SOX30: variants seen among roughly 807,000 people sequenced by gnomAD.
SOX30 encodes the protein SRY-box transcription factor 30.
SOX30 carries 17 observed loss-of-function variants against 58.6 expected under a neutral mutation model. The ratio of observed to expected loss-of-function variants is 0.29; its 90% confidence interval spans 0.20 to 0.44. The LOEUF (loss-of-function observed/expected upper bound fraction) is 0.44. SOX30 is among the 20% of genes least tolerant of loss of function. The pLI is 1.00. For synonymous variants in SOX30, 421 were observed against 400.2 expected (o/e 1.05, Z -0.62); for missense variants, 951 against 965.8 (o/e 0.98, Z 0.20).
At chr5:157,661,199 T>C (rs1023818349) in intron 2 of SOX30, among the ~76,000 whole-genome samples, 4 of 152,230 alleles carry the variant, frequency 2.6e-5, no homozygotes, top group African/African-American at 9.6e-5. Context: ...GTACATCCTT[T>C]TGCCTTGCAC....
At chr5:157,630,363 C>T (rs1161432333) in intron 4 of SOX30, among the ~76,000 whole-genome samples, 1 of 152,036 alleles carries the variant, frequency 6.6e-6, no homozygotes, top group East Asian at 1.9e-4. Context: ...CTTTGCATGT[C>T]TTGTAACTTT....
chr5:157,637,405 T>C (rs894790617), intron 4 of SOX30, among the ~76,000 whole-genome samples: 1 of 152,166 alleles, frequency 6.6e-6, no homozygotes, highest in Non-Finnish European at 1.5e-5. Context: ...TGCCCTCCTC[T>C]ATACCCTTGC....
At chr5:157,629,739 GAC>G (rs1758744048) in intron 4 of SOX30, among the ~76,000 whole-genome samples, 1 of 152,202 alleles carries the variant, frequency 6.6e-6, no homozygotes, top group African/African-American at 2.4e-5. Flanking sequence ...ACGACCCTAA[GAC>G]ACAGACACTA....
upstream of SOX30, among the ~76,000 whole-genome samples, chr5:157,653,079 G>A (rs1274746322): frequency 6.6e-6 from 1 of 152,182 alleles, no homozygotes; most frequent in Non-Finnish European, 1.5e-5. Flanking sequence ...TAGTTATTGA[G>A]TCTTTGGGTT....
Position 157,651,569 on chromosome 5 carries a change from G to A in SOX30, c.510C>T (p.Gly170=). 3 of 1,613,298 alleles carry A rather than the reference G, an allele frequency of 1.9e-6. No individual in the cohort carries two copies. The highest frequency in any genetic ancestry group is 3.3e-4 in the Middle Eastern group (2 of 6,058). Reference sequence around the variant, plus strand: ...GGAAGTAGCCGAGGGCCGGCCCGGGGCCTTCCAACTTGACCACCCTGGAGG... The same window carrying A: ...GGAAGTAGCCGAGGGCCGGCCCGGGACCTTCCAACTTGACCACCCTGGAGG... The part of the protein sequence containing the change: ...PRASRVVKLE[G]PGPALGYFRG... Residue 170 remains glycine, a synonymous_variant, in exon 1 of 5, where the codon GGC becomes GGT. Coordinates refer to ENST00000265007, the MANE Select transcript of SOX30 (RefSeq NM_178424.2).
chr5:157,645,224 C>G (rs943229902), intron 3 of SOX30, among the ~76,000 whole-genome samples: 1 of 152,094 alleles, frequency 6.6e-6, no homozygotes, highest in Admixed American at 6.6e-5. Context: ...ACAACAACAA[C>G]AACAACACTG....
At chr5:157,641,767 G>C (rs1759069170) in intron 3 of SOX30, among the ~76,000 whole-genome samples, 1 of 152,152 alleles carries the variant, frequency 6.6e-6, no homozygotes, top group Admixed American at 6.5e-5. Flanking sequence ...AGCAGAGTTT[G>C]CCCCATAATA....
chr5:157,665,328 C>T (rs981192896), intron 2 of SOX30, among the ~76,000 whole-genome samples: 14 of 152,104 alleles, frequency 9.2e-5, no homozygotes, highest in African/African-American at 1.4e-4. Context: ...AACCATCATT[C>T]GCAGCAAACT....
intron 4 of SOX30, among the ~76,000 whole-genome samples, chr5:157,629,311 A>G (rs1271773667): frequency 6.6e-6 from 1 of 152,222 alleles, no homozygotes; most frequent in Non-Finnish European, 1.5e-5. Flanking sequence ...TATCCCTTCC[A>G]CAAAGCCTTC....
intron 3 of SOX30, among the ~76,000 whole-genome samples, chr5:157,642,511 G>A (rs1468141662): frequency 6.6e-6 from 1 of 151,886 alleles, no homozygotes; most frequent in Non-Finnish European, 1.5e-5. Context: ...ATATTGGCTA[G>A]GGAAAAAGGC....
intron 2 of SOX30, among the ~76,000 whole-genome samples, chr5:157,658,532 T>A (rs994282592): frequency 2.6e-5 from 4 of 152,218 alleles, no homozygotes; most frequent in African/African-American, 9.6e-5. Context: ...CTTCCAGATA[T>A]CACCTTTTGT....
rs1207540873 is a variant in SOX30, at chr5:157,651,861, A to T, written c.218T>A (p.Val73Glu). ...LQPAVRRLLQ[V>E]KPEQVLLLPQ... The stretch of plus-strand genomic sequence containing the variant: ...TAGCAGCAACACCTGCTCTGGCTTC[A>T]CCTGCAGCAGCCGCCGCACCGCGGG... The change falls in exon 1 of 5, where the codon GTG (valine) becomes GAG (glutamate). Residue 73 changes from valine to glutamate, a missense_variant. Physicochemically the swap from Val to Glu is moderately radical, Grantham distance 121. Transcript: ENST00000265007. 6 of 1,567,424 alleles carry T rather than the reference A, an allele frequency of 3.8e-6. No homozygotes were observed. In the African/African-American group the frequency reaches 5.4e-5, roughly 14 times the overall value.
At position 157,626,626 on chromosome 5, in the gene SOX30, T is replaced by A. The variant is rs759082312; in HGVS notation, c.1976A>T (p.His659Leu). 1.1e-5 allele frequency: 17 copies of A among 1,613,988 alleles called. No individual in the cohort carries two copies. Among genetic ancestry groups the A allele is most frequent in the Middle Eastern group, 1.6e-4 (1 of 6,082 alleles). ...ATTTAAAGTTGAAAAGATACCCTCA[T>A]GTTTTGGGTACCTGTCTTCATAATA... ...LSYYEDRYPK[H>L]EGIFSTLNRD... Residue 659 changes from histidine (H) to leucine (L), a missense_variant, in exon 5 of 5, where the codon CAT becomes CTT. Around this residue, in one of 7 missense-constraint regions of SOX30, gnomAD observed 381 missense variants for 390.0 expected, o/e 0.98. Coordinates refer to ENST00000265007, the MANE Select transcript of SOX30 (RefSeq NM_178424.2).
intron 4 of SOX30, among the ~76,000 whole-genome samples, chr5:157,626,998 G>A (rs924695237): frequency 3.9e-5 from 6 of 152,194 alleles, no homozygotes; most frequent in Admixed American, 2.6e-4. Flanking sequence ...GCTTATTCTG[G>A]TCTTTCTCTC....
At chr5:157,629,189 C>A (rs1758730641) in intron 4 of SOX30, among the ~76,000 whole-genome samples, 1 of 152,106 alleles carries the variant, frequency 6.6e-6, no homozygotes, top group Non-Finnish European at 1.5e-5. Context: ...AAATGATAAT[C>A]AAGGTGACAG....
At chr5:157,656,305 TGAA>T (rs929524518), upstream of SOX30, among the ~76,000 whole-genome samples, 1 of 152,210 alleles carries the variant, frequency 6.6e-6, no homozygotes, top group African/African-American at 2.4e-5. Context: ...CTTTGGGAAA[TGAA>T]GACAGTTTTA....
intron 3 of SOX30, among the ~76,000 whole-genome samples, chr5:157,645,168 G>A (rs1187899152): frequency 1.3e-5 from 2 of 151,960 alleles, no homozygotes; most frequent in Non-Finnish European, 2.9e-5. Flanking sequence ...CTAGACATCT[G>A]GAATGTAGCT....
intron 3 of SOX30, among the ~76,000 whole-genome samples, chr5:157,646,285 T>C (rs186012289): frequency 6.6e-5 from 10 of 152,342 alleles, no homozygotes; most frequent in Admixed American, 4.6e-4. Flanking sequence ...GGATGCCTCA[T>C]ACCCCATTAG....
In SOX30 at chr5:157,638,388, A is replaced by G. The variant is rs750769095; in HGVS notation, c.1722T>C (p.Cys574=). ...CCTGGGGGATTGGAGCACTTCTGGGACAAGGGGAAACGCTGGAATACTCCC... is the reference window on the plus strand; with the variant it reads ...CCTGGGGGATTGGAGCACTTCTGGGGCAAGGGGAAACGCTGGAATACTCCC... ...PPREYSSVSP[C]PRSAPIPQAS... Residue 574 remains cysteine, a synonymous_variant, in exon 4 of 5, where the codon TGT becomes TGC. Coordinates refer to ENST00000265007, the MANE Select transcript of SOX30 (RefSeq NM_178424.2). The G allele has an allele frequency of 6.2e-7, 1 of 1,613,898 alleles. No individual in the cohort carries two copies. The highest frequency in any genetic ancestry group is 1.1e-5 in the South Asian group (1 of 91,078).
Sources: gnomAD v4.1 joint callset for allele counts (sites outside exome capture counted in the v4.1 genomes callset) on GRCh38, gnomAD v4.1.1 for gene constraint, gnomAD v4.1.1 regional missense constraint, MANE v1.5 for transcripts, NCBI Gene and HGNC (gene_info 2026-07-23, HGNC 2026-07-21) for gene names.